The following PDZRN4 variants were observed in gnomAD, a reference collection of about 807,000 sequenced individuals.
PDZRN4 encodes PDZ domain containing ring finger 4, also known as PDZ domain-containing RING finger protein 4.
PDZRN4 carries 70 observed loss-of-function variants against 99.0 expected under a neutral mutation model. That is an observed-to-expected ratio of 0.71 (90% CI 0.58 to 0.86). The LOEUF (loss-of-function observed/expected upper bound fraction) is 0.86. PDZRN4 is among the 40% of genes least tolerant of loss of function. The probability of loss-of-function intolerance (pLI) is 0.00; values close to 1 mark genes in which losing one functional copy is unlikely to be tolerated. For synonymous variants in PDZRN4, 551 were observed against 501.6 expected, an observed-to-expected ratio of 1.10 and a Z score of -1.32; for missense variants, 1,474 against 1,331.2, an observed-to-expected ratio of 1.11 and a Z score of -1.67.
intron 7 of PDZRN4, among the ~76,000 whole-genome samples, chr12:41,561,611 A>C (rs1216002241): frequency 2.1e-5 from 1 of 47,270 alleles, no homozygotes; most frequent in East Asian, 1.7e-3. Flanking sequence ...TATAAAGACT[A>C]TATATATATA....
At chr12:41,555,664 A>T in intron 6 of PDZRN4, 34 bp from the exon 7 acceptor site, 1 of 1,522,866 alleles carries the variant, frequency 6.6e-7, no homozygotes, top group Non-Finnish European at 9.1e-7. Context: ...AATGTTTCAT[A>T]CCCAGTTGAA....
At chr12:41,261,057 T>C (rs906908696) in intron 3 of PDZRN4, among the ~76,000 whole-genome samples, 1 of 152,192 alleles carries the variant, frequency 6.6e-6, no homozygotes, top group Non-Finnish European at 1.5e-5. Flanking sequence ...ACTATATTTA[T>C]TATGTTGCCT....
Position 41,188,787 on chromosome 12 carries a change from G to T in PDZRN4, c.332G>T (p.Arg111Leu), listed in dbSNP as rs1371983123. The change falls in exon 1 of 10, where the codon CGG becomes CTG. Residue 111 changes from arginine (R) to leucine (L), a missense_variant. Coordinates refer to ENST00000402685, the MANE Select transcript of PDZRN4 (RefSeq NM_001164595.2). ...VEHCDFGPAR[R>L]LRSRGGCASG... is the part of the protein sequence containing the mutation. ...CACTGCGACTTCGGCCCTGCCCGCC[G>T]GCTCCGCAGCCGCGGGGGCTGCGCT... is the stretch of plus-strand genomic sequence containing the variant. 3 of 1,373,790 alleles carry T rather than the reference G, an allele frequency of 2.2e-6. No individual in the cohort carries two copies. Among genetic ancestry groups the T allele is most frequent in the Non-Finnish European group, 2.8e-6 (3 of 1,071,208 alleles). 85.1% of individuals were successfully genotyped at this position (1,373,790 alleles called of 1,614,324 possible).
intron 5 of PDZRN4, among the ~76,000 whole-genome samples, chr12:41,520,208 C>A (rs1181069625): frequency 6.6e-6 from 1 of 152,126 alleles, no homozygotes; most frequent in Non-Finnish European, 1.5e-5. Context: ...TACAGTTTTT[C>A]ACTTAAAGAA....
rs1302103202 is a variant in PDZRN4 at position 41,270,320 on chromosome 12, GTGTGTC to G, written c.843+76138_843+76143del. 1.1e-4 allele frequency among the ~76,000 whole-genome samples: 15 copies of G among 132,172 alleles called. 1 individual carries two copies. The highest frequency in any genetic ancestry group is 4.0e-4 in the African/African-American group (14 of 35,426). The allele number at this position is 132,172 out of a possible 152,430, so 86.7% of individuals were successfully genotyped here. A position where few individuals can be genotyped will look rare whatever the true frequency, so the allele number is the denominator to read the frequency against. On this transcript the variant is annotated intron_variant, in intron 3 of 9. Transcript: ENST00000402685. The stretch of plus-strand genomic sequence containing the variant: ...GTGTGTCTGTGTGTGTGGTGTGTGT[GTGTGTC>G]TGTGTGTGTGTGTGTGTGTGTATTT...
intron 3 of PDZRN4, among the ~76,000 whole-genome samples, chr12:41,227,337 A>G (rs7138793): frequency 0.013 from 2,008 of 152,164 alleles, 43 homozygotes; most frequent in African/African-American, 0.046. Context: ...ATCAGGGCCA[A>G]TATAGAATTT....
At chr12:41,226,773 A>G (rs1042910456) in intron 3 of PDZRN4, among the ~76,000 whole-genome samples, 2 of 152,190 alleles carry the variant, frequency 1.3e-5, no homozygotes, top group African/African-American at 4.8e-5. Context: ...TGTTAAGGCT[A>G]GAAAAACTGT....
At chr12:41,431,012 G>A (rs1251197178) in intron 3 of PDZRN4, among the ~76,000 whole-genome samples, 2 of 152,190 alleles carry the variant, frequency 1.3e-5, no homozygotes, top group Non-Finnish European at 2.9e-5. Context: ...ACCCTCTCAG[G>A]AGAACAGTAC....
At chr12:41,214,430 T>TTAAAAAAAAA (rs1555216879) in intron 3 of PDZRN4, among the ~76,000 whole-genome samples, 1 of 34,078 alleles carries the variant, frequency 2.9e-5, no homozygotes, top group East Asian at 1.1e-3. Context: ...CCCTGTCCCC[T>TTAAAAAAAAA]AAAAAAAAAA....
intron 5 of PDZRN4, among the ~76,000 whole-genome samples, chr12:41,527,387 A>G (rs1938586731): frequency 2.0e-5 from 3 of 152,220 alleles, no homozygotes; most frequent in African/African-American, 2.4e-5. Flanking sequence ...CAGCAATTCC[A>G]TATTAGAAGA....
intron 3 of PDZRN4, among the ~76,000 whole-genome samples, chr12:41,421,673 C>G (rs1467889511): frequency 1.3e-5 from 2 of 152,196 alleles, no homozygotes; most frequent in Non-Finnish European, 2.9e-5. Flanking sequence ...TTGCGCCAGA[C>G]TAAATTAAGT....
At chr12:41,393,794 C>T (rs540095982) in intron 3 of PDZRN4, among the ~76,000 whole-genome samples, 2 of 152,292 alleles carry the variant, frequency 1.3e-5, no homozygotes, top group South Asian at 2.1e-4. Flanking sequence ...CACTGCCATG[C>T]TTGGTGCCTT....
chr12:41,418,564 C>A (rs1952463397), intron 3 of PDZRN4, among the ~76,000 whole-genome samples: 1 of 152,182 alleles, frequency 6.6e-6, no homozygotes, highest in Non-Finnish European at 1.5e-5. Context: ...AGCTTCATCT[C>A]TCTAAATAGT....
intron 3 of PDZRN4, among the ~76,000 whole-genome samples, chr12:41,318,238 T>C (rs935901336): frequency 6.6e-6 from 1 of 152,170 alleles, no homozygotes; most frequent in African/African-American, 2.4e-5. Context: ...ATGTTTTCCT[T>C]CATTGTTTTT....
intron 5 of PDZRN4, among the ~76,000 whole-genome samples, chr12:41,521,049 G>A (rs1417719465): frequency 6.6e-6 from 1 of 152,124 alleles, no homozygotes; most frequent in Non-Finnish European, 1.5e-5. Context: ...TTTTGGAACC[G>A]AAATCTAATT....
Position 41,377,489 on chromosome 12 carries a change from C to A in PDZRN4, c.844-128967C>A, listed in dbSNP as rs887978811. ...ACCTTCCTGGCTAACACGGTGAAAC[C>A]CTATCTCTATTAAAAATACAAAAAA... On this transcript the variant is annotated intron_variant, in intron 3 of 9. Coordinates refer to ENST00000402685, the MANE Select transcript of PDZRN4 (RefSeq NM_001164595.2). Among the ~76,000 whole-genome samples the A allele has an allele frequency of 1.3e-5, 2 of 151,972 alleles. 1 individual carries two copies. The highest frequency in any genetic ancestry group is 1.3e-4 in the Admixed American group (2 of 15,260).
intron 3 of PDZRN4, among the ~76,000 whole-genome samples, chr12:41,496,824 C>A (rs1938012959): frequency 1.3e-5 from 2 of 152,088 alleles, no homozygotes; most frequent in African/African-American, 4.8e-5. Flanking sequence ...ATGTGCCAAG[C>A]ACATTTTTAG....
intron 3 of PDZRN4, among the ~76,000 whole-genome samples, chr12:41,291,462 T>C (rs1216910218): frequency 1.3e-5 from 2 of 152,150 alleles, no homozygotes; most frequent in Non-Finnish European, 2.9e-5. Flanking sequence ...TGAATCTGTT[T>C]TATTATCGGC....
intron 5 of PDZRN4, among the ~76,000 whole-genome samples, chr12:41,541,449 CT>C (rs66828349): frequency 0.16 from 22,028 of 137,048 alleles, 1,599 homozygotes; most frequent in Non-Finnish European, 0.2. Context: ...TTCTTCTAGA[CT>C]TTTTTTTTTT....
Sources: gnomAD v4.1 joint callset for allele counts (sites outside exome capture counted in the v4.1 genomes callset) on GRCh38, gnomAD v4.1.1 for gene constraint, MANE v1.5 for transcripts, NCBI Gene and HGNC (gene_info 2026-07-23, HGNC 2026-07-21) for gene names.